CPNE4: variants seen among roughly 807,000 people sequenced by gnomAD.
The protein encoded by CPNE4 is copine-4.
In CPNE4, 25 loss-of-function variants were observed where a neutral mutation model predicts 67.9. The ratio of observed to expected loss-of-function variants is 0.37; its 90% CI spans 0.27 to 0.51. The LOEUF (loss-of-function observed/expected upper bound fraction) is 0.51, where lower values mean the gene tolerates loss of function less well. Among genes scored for constraint, CPNE4 ranks in the 20% least tolerant of loss-of-function variants. The pLI is 0.93. For missense variants in CPNE4, 464 were observed against 690.8 expected, an observed-to-expected ratio of 0.67 and a Z score of 3.68; for synonymous variants, 242 against 244.9, an observed-to-expected ratio of 0.99 and a Z score of 0.11.
chr3:131,729,276 T>C (rs1189381349), intron 2 of CPNE4, among the ~76,000 whole-genome samples: 1 of 152,242 alleles, frequency 6.6e-6, no homozygotes, highest in East Asian at 1.9e-4. Context: ...AAATATTTTG[T>C]CAATATTTAT....
intron 2 of CPNE4, among the ~76,000 whole-genome samples, chr3:131,758,964 T>C (rs1213406554): frequency 6.6e-6 from 1 of 152,080 alleles, no homozygotes; most frequent in African/African-American, 2.4e-5. Flanking sequence ...TTGAACCTCT[T>C]TTTCTTCCCC....
chr3:131,681,434 T>C (rs1315011859), intron 6 of CPNE4, among the ~76,000 whole-genome samples: 2 of 152,250 alleles, frequency 1.3e-5, no homozygotes, highest in Non-Finnish European at 2.9e-5. Flanking sequence ...CCTTCAGCAC[T>C]TTAAATATGT....
chr3:131,668,032 C>G (rs2107652733), intron 7 of CPNE4, among the ~76,000 whole-genome samples: 1 of 152,222 alleles, frequency 6.6e-6, no homozygotes, highest in African/African-American at 2.4e-5. Context: ...ACCAAATAGC[C>G]AGGAATCCTG....
chr3:131,813,212 A>C (rs1158220348), intron 2 of CPNE4, among the ~76,000 whole-genome samples: 1 of 151,880 alleles, frequency 6.6e-6, no homozygotes, highest in African/African-American at 2.4e-5. Flanking sequence ...GAATCCATAA[A>C]ATAATGGCAG....
intron 1 of CPNE4, among the ~76,000 whole-genome samples, chr3:131,936,427 A>C (rs1450295707): frequency 6.6e-6 from 1 of 152,060 alleles, no homozygotes; most frequent in Non-Finnish European, 1.5e-5. Context: ...TGGTTGAGAG[A>C]AGATGAGAAG....
chr3:131,546,158 A>G (rs1935824640), intron 14 of CPNE4, among the ~76,000 whole-genome samples: 1 of 152,176 alleles, frequency 6.6e-6, no homozygotes, highest in Non-Finnish European at 1.5e-5. Flanking sequence ...TTGTGGAACA[A>G]TAAGTTTAAG....
At chr3:131,919,633 G>A (rs2070687036) in intron 1 of CPNE4, among the ~76,000 whole-genome samples, 1 of 152,108 alleles carries the variant, frequency 6.6e-6, no homozygotes, top group Admixed American at 6.5e-5. Flanking sequence ...TCACCCAGCT[G>A]TATATTTACA....
At chr3:131,902,294 G>A (rs1006621865) in intron 2 of CPNE4, among the ~76,000 whole-genome samples, 16 of 152,008 alleles carry the variant, frequency 1.1e-4, no homozygotes, top group African/African-American at 3.9e-4. Flanking sequence ...TGCACGGGTG[G>A]CAAAGTTTGT....
rs372253897 is a variant in CPNE4 at position 131,685,974 on chromosome 3, G to A, written c.508-16C>T. On this transcript the variant is annotated splice_polypyrimidine_tract_variant and intron_variant, in intron 5 of 15. Transcript: ENST00000429747. ...TGAAGAAATCCTAAAATAGATAAACGTCAATGAATTGTTTTTCCTCCTGCA... is the reference window on the plus strand; with the variant it reads ...TGAAGAAATCCTAAAATAGATAAACATCAATGAATTGTTTTTCCTCCTGCA... 66 of 1,422,988 alleles carry A rather than the reference G, an allele frequency of 4.6e-5. No homozygotes were observed. Among genetic ancestry groups the A allele is most frequent in the East Asian group, 9.1e-5 (4 of 43,924 alleles). The allele number at this position is 1,422,988 out of a possible 1,614,324, so 88.1% of individuals were successfully genotyped here. A position where few individuals can be genotyped will look rare whatever the true frequency, so the allele number is the denominator to read the frequency against.
chr3:131,553,833 C>T (rs1247246192), intron 12 of CPNE4, among the ~76,000 whole-genome samples: 2 of 152,002 alleles, frequency 1.3e-5, no homozygotes, highest in Admixed American at 1.3e-4. Context: ...CCTGGGGGCA[C>T]CTGAGCTGCT....
intron 2 of CPNE4, among the ~76,000 whole-genome samples, chr3:131,844,884 T>C (rs1560449328): frequency 6.6e-6 from 1 of 152,196 alleles, no homozygotes; most frequent in Non-Finnish European, 1.5e-5. Flanking sequence ...ACATGACACG[T>C]AAGCATATTA....
intron 1 of CPNE4, among the ~76,000 whole-genome samples, chr3:131,934,732 G>A (rs1283815575): frequency 6.6e-6 from 1 of 152,122 alleles, no homozygotes. Context: ...AGGCTCCTAG[G>A]ATAACCCAGT....
intron 11 of CPNE4, among the ~76,000 whole-genome samples, chr3:131,556,716 A>G (rs796445939): frequency 2.0e-4 from 31 of 152,206 alleles, no homozygotes; most frequent in African/African-American, 7.5e-4. Context: ...AAAACCTGAG[A>G]GAATCACTTA....
chr3:131,983,627 T>A (rs528224956), intron 1 of CPNE4, among the ~76,000 whole-genome samples: 1 of 152,240 alleles, frequency 6.6e-6, no homozygotes, highest in Admixed American at 6.5e-5. Context: ...CAAAGACATA[T>A]TTCACTCCTA....
rs2107785854 is a variant in CPNE4, at chr3:131,744,555, G to A, written c.181-20930C>T. On this transcript the variant is annotated intron_variant, in intron 2 of 15. Coordinates refer to ENST00000429747, the MANE Select transcript of CPNE4 (RefSeq NM_130808.3). The stretch of plus-strand genomic sequence containing the variant: ...TTCCATCCCCACAAGGATCCCTCAT[G>A]TTGCCCTTCTATAGTGACAACCACT... Among the ~76,000 whole-genome samples, 4 of 152,304 alleles carry A rather than the reference G, an allele frequency of 2.6e-5. No individual in the cohort carries two copies. In the Middle Eastern group the frequency reaches 0.014, roughly 518 times the overall value.
chr3:131,577,077 GA>G lies in CPNE4; in HGVS notation c.868-1948del, dbSNP rs139340498. ...AGTTGTCAAAGCATCAAAAAATATT[GA>G]AAAAAAAAGATTAATACAATGGCCA... On this transcript the variant is annotated intron_variant, in intron 9 of 15. Transcript: ENST00000429747. Among the ~76,000 whole-genome samples the G allele has an allele frequency of 1.1e-4, 16 of 150,150 alleles. 1 individual carries two copies. The South Asian group carries it at 1.3e-3, about 12-fold the overall frequency.
intron 3 of CPNE4, among the ~76,000 whole-genome samples, chr3:131,719,271 C>T (rs2081819715): frequency 6.6e-6 from 1 of 152,188 alleles, no homozygotes; most frequent in Non-Finnish European, 1.5e-5. Flanking sequence ...TCAAAAGCTC[C>T]TGACTTCCAG....
intron 7 of CPNE4, among the ~76,000 whole-genome samples, chr3:131,596,187 G>A (rs1326591612): frequency 2.6e-5 from 4 of 151,868 alleles, no homozygotes; most frequent in African/African-American, 9.7e-5. Flanking sequence ...TTGATGCAAG[G>A]AAACTTTTGG....
chr3:131,588,977 T>C (rs1938361369), intron 7 of CPNE4, among the ~76,000 whole-genome samples: 1 of 152,208 alleles, frequency 6.6e-6, no homozygotes, highest in African/African-American at 2.4e-5. Context: ...GTATATAGGC[T>C]AGCAGGTCTT....
Sources: allele counts gnomAD v4.1 joint callset (sites outside exome capture counted in the v4.1 genomes callset), GRCh38; gene constraint gnomAD v4.1.1; transcripts MANE v1.5; gene names NCBI Gene and HGNC (gene_info 2026-07-23, HGNC 2026-07-21).